The following MID1 variants were observed in gnomAD, a reference collection of about 807,000 sequenced individuals.
MID1 encodes the protein midline 1.
In MID1, 7 loss-of-function variants were observed where a neutral mutation model predicts 40.4. The ratio of observed to expected loss-of-function variants is 0.17; its 90% CI spans 0.10 to 0.33. MID1 has a LOEUF of 0.33. Among genes scored for constraint, MID1 ranks in the 10% least tolerant of loss-of-function variants. The pLI is 1.00. For synonymous variants in MID1, 229 were observed against 221.2 expected (o/e 1.04, Z -0.31); for missense variants, 367 against 558.5 (o/e 0.66, Z 3.46).
At position 10,639,512 on chromosome X, in the gene MID1, T is replaced by C. The variant is rs765419164; in HGVS notation, c.-186-19093A>G. Among the ~76,000 whole-genome samples, 4 of 112,028 alleles carry C rather than the reference T, an allele frequency of 3.6e-5. No individual in the cohort carries two copies. The South Asian group carries it at 1.5e-3, about 42-fold the overall frequency. On this transcript the variant is annotated intron_variant, in intron 1 of 10. Transcript: ENST00000380785. Reference sequence around the variant, plus strand: ...AAAGCCTCCAAGAATTATGGCACTATGTGAAAAGACCAAATCTACGTCGGA... The same window carrying C: ...AAAGCCTCCAAGAATTATGGCACTACGTGAAAAGACCAAATCTACGTCGGA...
At chrX:10,683,560 A>C (rs655556) in intron 1 of MID1, among the ~76,000 whole-genome samples, 1 of 109,726 alleles carries the variant, frequency 9.1e-6, no homozygotes, top group Non-Finnish European at 1.9e-5. Flanking sequence ...AAAGAAAAAG[A>C]AAAAGAATGA....
chrX:10,676,907 T>A (rs985683642), intron 1 of MID1, among the ~76,000 whole-genome samples: 9 of 111,364 alleles, frequency 8.1e-5, no homozygotes, highest in African/African-American at 2.9e-4. Context: ...CTGGTCACTA[T>A]CCCTCAGGGA....
chrX:10,479,478 C>A (rs188850453), intron 5 of MID1, among the ~76,000 whole-genome samples: 30 of 111,196 alleles, frequency 2.7e-4, no homozygotes, highest in Admixed American at 2.3e-3. Context: ...CCTACCCACC[C>A]CCACTCCCAC....
intron 1 of MID1, among the ~76,000 whole-genome samples, chrX:10,781,071 C>A (rs753430813): frequency 9.0e-5 from 10 of 111,489 alleles, no homozygotes; most frequent in Non-Finnish European, 1.9e-4. Flanking sequence ...ACAGTTTAAG[C>A]TGAGAATTAA....
At chrX:10,674,594 C>T (rs371900910) in intron 1 of MID1, among the ~76,000 whole-genome samples, 1 of 112,252 alleles carries the variant, frequency 8.9e-6, no homozygotes, top group African/African-American at 3.2e-5. Flanking sequence ...ATAAACTTGA[C>T]GCTCTCAGGT....
Position 10,521,546 on chromosome X carries a change from T to C in MID1, c.756+1546A>G, listed in dbSNP as rs139143281. Among the ~76,000 whole-genome samples the C allele has an allele frequency of 1.9e-4, 21 of 111,216 alleles. No homozygotes were observed. In the East Asian group the frequency reaches 6.0e-3, roughly 32 times the overall value. ...CCAGAAGGCTTAAAAGTGTAATGAA[T>C]GATAATTGTTTAGTTTCAGTTCATG... On this transcript the variant is annotated intron_variant, in intron 3 of 9. Transcript: ENST00000317552.
At chrX:10,779,836 T>C (rs2043832027) in intron 1 of MID1, among the ~76,000 whole-genome samples, 1 of 111,447 alleles carries the variant, frequency 9.0e-6, no homozygotes, top group Non-Finnish European at 1.9e-5. Context: ...TTTTGGAAGT[T>C]GGAGGTTATT....
At chrX:10,643,037 G>T (rs968297211) in intron 1 of MID1, among the ~76,000 whole-genome samples, 16 of 111,887 alleles carry the variant, frequency 1.4e-4, no homozygotes, top group Non-Finnish European at 2.8e-4. Context: ...AGACTTAAAT[G>T]TAAGACCTAA....
In MID1 at chrX:10,704,731, T is replaced by C. The variant is rs866116793; in HGVS notation, c.-186-84312A>G. Among the ~76,000 whole-genome samples the C allele has an allele frequency of 2.8e-3, 227 of 82,069 alleles. 1 individual carries two copies. Among genetic ancestry groups the C allele is most frequent in the African/African-American group, 0.013 (219 of 16,997 alleles). The allele number at this position is 82,069 out of a possible 115,157, so 71.3% of individuals were successfully genotyped here. Reference sequence around the variant, plus strand: ...GTGTGTGTGTGTATATATATATATATATATATATACACACACACACACACA... The same window carrying C: ...GTGTGTGTGTGTATATATATATATACATATATATACACACACACACACACA... On this transcript the variant is annotated intron_variant, in intron 1 of 10. Transcript: ENST00000380785.
chrX:10,684,169 G>A (rs2043077949), intron 1 of MID1, among the ~76,000 whole-genome samples: 1 of 111,073 alleles, frequency 9.0e-6, no homozygotes, highest in Admixed American at 9.6e-5. Flanking sequence ...TGTAGAAAAT[G>A]TGGATATTAA....
At chrX:10,491,995 C>T (rs1315377256) in intron 4 of MID1, among the ~76,000 whole-genome samples, 1 of 111,947 alleles carries the variant, frequency 8.9e-6, no homozygotes, top group African/African-American at 3.2e-5. Flanking sequence ...ACTCAGTTTC[C>T]AAATTTCCAC....
chrX:10,565,101 A>G (rs1325997522), intron 2 of MID1: 1 of 326,449 alleles, frequency 3.1e-6, no homozygotes, highest in African/African-American at 2.7e-5. Flanking sequence ...TCATACATGC[A>G]TTGCCTTTGC....
chrX:10,769,290 CA>C (rs869305360), intron 1 of MID1, among the ~76,000 whole-genome samples: 12 of 109,734 alleles, frequency 1.1e-4, no homozygotes, highest in African/African-American at 3.6e-4. Flanking sequence ...AAAAACAAAA[CA>C]AAAAAACCCC....
chrX:10,623,083 CAAAAA>C (rs763054366), upstream of MID1, among the ~76,000 whole-genome samples: 1 of 32,516 alleles, frequency 3.1e-5, no homozygotes, highest in African/African-American at 1.0e-4. Context: ...GCTGTCTCTA[CAAAAA>C]AAAAAAAAAA....
At position 10,670,387 on chromosome X, in the gene MID1, T is replaced by G. The variant is rs982115903; in HGVS notation, c.-186-49968A>C. Among the ~76,000 whole-genome samples the G allele has an allele frequency of 5.4e-5, 6 of 111,527 alleles. No individual in the cohort carries two copies. The Admixed American group carries it at 5.7e-4, about 11-fold the overall frequency. On this transcript the variant is annotated intron_variant, in intron 1 of 10. Transcript: ENST00000380785. The stretch of plus-strand genomic sequence containing the variant: ...TAAGTAAATAGTCTATAATTCCATA[T>G]TATAGCTTCTACAAAGATACAGAAT...
chrX:10,821,620 A>G (rs1200191232), intron 1 of MID1, among the ~76,000 whole-genome samples: 2 of 112,317 alleles, frequency 1.8e-5, no homozygotes, highest in Non-Finnish European at 3.8e-5. Context: ...TACCTAAAGA[A>G]CAATATATTT....
At chrX:10,767,476 C>T (rs904905291) in intron 1 of MID1, among the ~76,000 whole-genome samples, 4 of 110,862 alleles carry the variant, frequency 3.6e-5, no homozygotes, top group African/African-American at 1.3e-4. Context: ...CCCGCCACCA[C>T]GCCCAGCTAA....
intron 1 of MID1, among the ~76,000 whole-genome samples, chrX:10,588,087 T>C (rs1411799657): frequency 2.7e-5 from 3 of 112,289 alleles, no homozygotes; most frequent in Non-Finnish European, 3.8e-5. Flanking sequence ...TTTTTAACTT[T>C]AGCTAATATG....
chrX:10,827,437 T>C (rs1342029731), intron 1 of MID1, among the ~76,000 whole-genome samples: 2 of 105,643 alleles, frequency 1.9e-5, no homozygotes, highest in Non-Finnish European at 3.9e-5. Context: ...GAAAGATTCC[T>C]GCTCCCCCCG....
Sources: allele counts gnomAD v4.1 joint callset (sites outside exome capture counted in the v4.1 genomes callset), GRCh38; gene constraint gnomAD v4.1.1; transcripts MANE v1.5; gene names NCBI Gene and HGNC (gene_info 2026-07-23, HGNC 2026-07-21).